TOPAZ1: variants seen among roughly 807,000 people sequenced by gnomAD.
TOPAZ1 encodes protein TOPAZ1.
TOPAZ1 carries 66 observed loss-of-function variants against 172.2 expected under a neutral mutation model. The ratio of observed to expected loss-of-function variants is 0.38; its 90% confidence interval spans 0.31 to 0.47. The LOEUF is 0.47. Among genes scored for constraint, TOPAZ1 ranks in the 20% least tolerant of loss-of-function variants. TOPAZ1 has a pLI of 0.99. For missense variants in TOPAZ1, 1,822 were observed against 1,972.4 expected, an observed-to-expected ratio of 0.92 and a Z score of 1.44; for synonymous variants, 681 against 683.9, an observed-to-expected ratio of 1.00 and a Z score of 0.07.
At chr3:44,312,243 A>G (rs972309421) in intron 16 of TOPAZ1, among the ~76,000 whole-genome samples, 2 of 152,040 alleles carry the variant, frequency 1.3e-5, no homozygotes, top group East Asian at 1.9e-4. Context: ...AAAAAAAAAA[A>G]AAAAACACAG....
At chr3:44,323,055 A>T in intron 17 of TOPAZ1, 37 bp from the exon 18 acceptor site, 6 of 1,401,886 alleles carry the variant, frequency 4.3e-6, no homozygotes, top group Non-Finnish European at 4.8e-6. Context: ...ACACTTTAAT[A>T]TAAATGAATT....
At chr3:44,289,392 T>TCC (rs1700111316) in intron 11 of TOPAZ1, among the ~76,000 whole-genome samples, 1 of 152,194 alleles carries the variant, frequency 6.6e-6, no homozygotes, top group Non-Finnish European at 1.5e-5. Context: ...TAAAATAAAA[T>TCC]TGAGCATGCT....
At chr3:44,288,720 T>A (rs1240173120) in intron 11 of TOPAZ1, among the ~76,000 whole-genome samples, 1 of 152,120 alleles carries the variant, frequency 6.6e-6, no homozygotes, top group Non-Finnish European at 1.5e-5. Context: ...TTGTAGAAAA[T>A]CTCAGTAAGG....
chr3:44,282,338 G>A (rs1325787063), intron 9 of TOPAZ1, among the ~76,000 whole-genome samples: 1 of 152,106 alleles, frequency 6.6e-6, no homozygotes, highest in Non-Finnish European at 1.5e-5. Flanking sequence ...TTTTTCAGAA[G>A]CTGACTCTTT....
intron 6 of TOPAZ1, among the ~76,000 whole-genome samples, chr3:44,268,264 G>A (rs1166033919): frequency 6.6e-6 from 1 of 151,942 alleles, no homozygotes; most frequent in African/African-American, 2.4e-5. Context: ...TTCTGATGAG[G>A]GCTCTCTTTC....
downstream of TOPAZ1, among the ~76,000 whole-genome samples, chr3:44,336,652 CAGGT>C (rs1474661900): frequency 6.6e-6 from 1 of 152,176 alleles, no homozygotes; most frequent in African/African-American, 2.4e-5. Flanking sequence ...ATCCCCTTGT[CAGGT>C]AGGTTGGTGA....
chr3:44,325,921 G>C (rs1163390122), intron 18 of TOPAZ1, among the ~76,000 whole-genome samples: 5 of 152,180 alleles, frequency 3.3e-5, no homozygotes, highest in Non-Finnish European at 5.9e-5. Flanking sequence ...GCGATTACAT[G>C]CGTGAGCCAC....
intron 2 of TOPAZ1, among the ~76,000 whole-genome samples, chr3:44,248,581 A>G (rs898884579): frequency 6.6e-6 from 1 of 152,250 alleles, no homozygotes; most frequent in African/African-American, 2.4e-5. Context: ...AGAATCTATC[A>G]GTAGTTGCAC....
intron 2 of TOPAZ1, among the ~76,000 whole-genome samples, chr3:44,254,416 T>C (rs1242328925): frequency 1.3e-5 from 2 of 152,028 alleles, no homozygotes; most frequent in Middle Eastern, 3.4e-3. Flanking sequence ...TCACCTGAGG[T>C]CAGGAGTTTG....
chr3:44,328,099 A>G, intron 18 of TOPAZ1, 151 bp from the exon 19 acceptor site: 1 of 518,434 alleles, frequency 1.9e-6, no homozygotes. Flanking sequence ...AATGCCAAAT[A>G]TACTAGGATA....
chr3:44,260,306 T>G (rs1418813654), intron 4 of TOPAZ1, among the ~76,000 whole-genome samples: 2 of 152,220 alleles, frequency 1.3e-5, no homozygotes, highest in African/African-American at 2.4e-5. Flanking sequence ...TTTCATGAAA[T>G]AAACATATCT....
At chr3:44,330,616 A>G (rs1253764834) in intron 19 of TOPAZ1, among the ~76,000 whole-genome samples, 1 of 152,214 alleles carries the variant, frequency 6.6e-6, no homozygotes, top group African/African-American at 2.4e-5. Flanking sequence ...TCCTGTTTCA[A>G]GTGCAAGTCC....
In TOPAZ1 at chr3:44,305,275, T is replaced by C. The variant is rs1362055042; in HGVS notation, c.3993T>C (p.Tyr1331=). 2 of 1,544,032 alleles carry C rather than the reference T, an allele frequency of 1.3e-6. No homozygotes were observed. Among genetic ancestry groups the C allele is most frequent in the East Asian group, 2.5e-5 (1 of 40,710 alleles). The stretch of plus-strand genomic sequence containing the variant: ...TTGCTGAAACACTCACAAAAAACTA[T>C]GAAGATGAAAGACCAGATATTCCCT... ...ACIAETLTKN[Y]EDERPDIPFC... is the part of the protein sequence containing the mutation. Residue 1331 remains tyrosine, a synonymous_variant, in exon 14 of 20, where the codon TAT becomes TAC. Coordinates refer to ENST00000309765, the MANE Select transcript of TOPAZ1 (RefSeq NM_001145030.2).
In TOPAZ1 at chr3:44,244,670, T is replaced by C; in HGVS notation, c.2164T>C (p.Ser722Pro). 2 of 1,551,372 alleles carry C rather than the reference T, an allele frequency of 1.3e-6. No individual in the cohort carries two copies. Among genetic ancestry groups the C allele is most frequent in the Non-Finnish European group, 1.7e-6 (2 of 1,146,956 alleles). Residue 722 changes from serine to proline, a missense_variant, in exon 2 of 20, where the codon TCT becomes CCT. Transcript: ENST00000309765. ...TCCTCTAGAACTTCTGGACAATTTA[T>C]CTGGAGCAGACGTAAGACAGAACAG... Reference protein sequence around the residue: ...YSPLELLDNLSGADVRQNRSK... With the variant: ...YSPLELLDNLPGADVRQNRSK...
At chr3:44,279,397 T>C (rs1281713504) in intron 8 of TOPAZ1, among the ~76,000 whole-genome samples, 1 of 152,218 alleles carries the variant, frequency 6.6e-6, no homozygotes, top group Non-Finnish European at 1.5e-5. Flanking sequence ...ATGTTCTGTC[T>C]AATGCTGAGA....
chr3:44,293,193 A>G (rs747132658), intron 12 of TOPAZ1, among the ~76,000 whole-genome samples: 2 of 152,240 alleles, frequency 1.3e-5, no homozygotes, highest in African/African-American at 2.4e-5. Context: ...AGTATAGCAC[A>G]TACAACTATG....
rs1003114014 is a variant in TOPAZ1, at chr3:44,256,058, C to T, written c.2828-93C>T. The T allele has an allele frequency of 3.8e-5, 35 of 923,064 alleles. 1 individual carries two copies. The South Asian group carries it at 7.3e-4, about 19-fold the overall frequency. 57.2% of individuals were successfully genotyped at this position (923,064 alleles called of 1,614,324 possible). The stretch of plus-strand genomic sequence containing the variant: ...TTGTCACATTAGACCTTAAAAGAGC[C>T]TCTGAATTCTGAGTCATTTTTTAGA... On this transcript the variant is annotated intron_variant, in intron 3 of 19. Coordinates refer to ENST00000309765, the MANE Select transcript of TOPAZ1 (RefSeq NM_001145030.2).
intron 18 of TOPAZ1, among the ~76,000 whole-genome samples, chr3:44,323,688 C>T (rs1057282726): frequency 5.9e-5 from 9 of 152,178 alleles, no homozygotes; most frequent in Non-Finnish European, 1.2e-4. Flanking sequence ...ATTGTTATAA[C>T]TAAAAATATT....
chr3:44,305,771 G>C (rs570545234), intron 14 of TOPAZ1, among the ~76,000 whole-genome samples: 45 of 152,184 alleles, frequency 3.0e-4, no homozygotes, highest in Non-Finnish European at 5.6e-4. Flanking sequence ...AATTAATGCA[G>C]GCTTTAGATA....
Sources: allele counts gnomAD v4.1 joint callset (sites outside exome capture counted in the v4.1 genomes callset), GRCh38; gene constraint gnomAD v4.1.1; transcripts MANE v1.5; gene names NCBI Gene and HGNC (gene_info 2026-07-23, HGNC 2026-07-21).